Variants in PDPN observed in about 807,000 individuals in gnomAD.
PDPN encodes PA2.26 antigen.
Under a neutral mutation model 23.2 loss-of-function variants are expected in PDPN, and 12 were observed. That is an observed-to-expected ratio of 0.52 (90% CI 0.33 to 0.84). The LOEUF (loss-of-function observed/expected upper bound fraction) is 0.84. Among genes scored for constraint, PDPN ranks in the 40% least tolerant of loss-of-function variants. The pLI is 0.02. For synonymous variants in PDPN, 77 were observed against 76.7 expected, an observed-to-expected ratio of 1.00 and a Z score of -0.02; for missense variants, 199 against 212.2, an observed-to-expected ratio of 0.94 and a Z score of 0.39.
intron 2 of PDPN, among the ~76,000 whole-genome samples, chr1:13,607,822 C>T (rs1640830412): frequency 6.6e-6 from 1 of 152,114 alleles, no homozygotes; most frequent in South Asian, 2.1e-4. Context: ...TATATCTTCT[C>T]AGCCGGGCGT....
chr1:13,590,674 G>C (rs1038920819), intron 1 of PDPN, among the ~76,000 whole-genome samples: 2 of 152,142 alleles, frequency 1.3e-5, no homozygotes, highest in East Asian at 1.9e-4. Context: ...GGGTTAGAAG[G>C]GTTGAGTTGG....
At chr1:13,592,543 A>ATTT (rs34176163) in intron 1 of PDPN, among the ~76,000 whole-genome samples, 80 of 105,024 alleles carry the variant, frequency 7.6e-4, no homozygotes, top group African/African-American at 1.3e-3. Context: ...TGAAAAGATG[A>ATTT]TTTTTTTTTT....
At chr1:13,613,856 G>A in intron 4 of PDPN, 131 bp downstream of exon 4, 17 of 333,828 alleles carry the variant, frequency 5.1e-5, no homozygotes, top group Admixed American at 1.0e-4. Context: ...AACATTCCGA[G>A]AACAGATTTC....
At chr1:13,584,530 G>C (rs1317788524) in intron 1 of PDPN, among the ~76,000 whole-genome samples, 1 of 152,260 alleles carries the variant, frequency 6.6e-6, no homozygotes, top group African/African-American at 2.4e-5. Context: ...GTTCAGGAGG[G>C]CTTGGGCCAA....
rs760398679 is a variant in PDPN, at chr1:13,610,403, A to G, written c.218A>G (p.Asn73Ser). Residue 73 changes from asparagine to serine, a missense_variant, in exon 3 of 6, where the codon AAC becomes AGC. Asn to Ser is a conservative substitution (Grantham distance 46). Transcript: ENST00000621990. ...GLTTLVATSVNSVTGIRIEDL... is the reference protein window; with the variant it reads ...GLTTLVATSVSSVTGIRIEDL... Reference sequence around the variant, plus strand: ...CTACAATAGGTGGCAACAAGTGTCAACAGTGTAACAGGCATTCGCATCGAG... The same window carrying G: ...CTACAATAGGTGGCAACAAGTGTCAGCAGTGTAACAGGCATTCGCATCGAG... The G allele has an allele frequency of 9.9e-5, 160 of 1,613,646 alleles. 1 individual carries two copies. In the South Asian group the frequency reaches 1.5e-3, roughly 16 times the overall value.
chr1:13,605,213 GCTGT>G (rs1326894798), intron 1 of PDPN, among the ~76,000 whole-genome samples: 2 of 149,704 alleles, frequency 1.3e-5, no homozygotes, highest in Admixed American at 1.3e-4. Flanking sequence ...TGATATAAGT[GCTGT>G]CTAAGCAGTG....
At chr1:13,611,057 T>C (rs1640922125) in intron 3 of PDPN, among the ~76,000 whole-genome samples, 1 of 152,004 alleles carries the variant, frequency 6.6e-6, no homozygotes, top group African/African-American at 2.4e-5. Flanking sequence ...CCGTCTCTAC[T>C]GAAAATACTA....
chr1:13,604,783 T>C (rs1027928466), intron 1 of PDPN, among the ~76,000 whole-genome samples: 8 of 152,234 alleles, frequency 5.3e-5, no homozygotes, highest in Non-Finnish European at 1.0e-4. Flanking sequence ...ACTACTTGTC[T>C]GGCAAAGGGA....
chr1:13,595,806 A>C lies in PDPN; in HGVS notation c.68-11367A>C, dbSNP rs535105131. The C allele has an allele frequency of 9.2e-6, 11 of 1,189,394 alleles. No individual in the cohort carries two copies. In the South Asian group the frequency reaches 1.3e-4, roughly 14 times the overall value. 73.7% of individuals were successfully genotyped at this position (1,189,394 alleles called of 1,614,324 possible). A position where few individuals can be genotyped will look rare whatever the true frequency, so the allele number is the denominator to read the frequency against. Reference sequence around the variant, plus strand: ...TGCAGGTGCCGTGCTATCTTCAGCTATGCCGTCTCTTTCATTACAGGGGAA... The same window carrying C: ...TGCAGGTGCCGTGCTATCTTCAGCTCTGCCGTCTCTTTCATTACAGGGGAA... On this transcript the variant is annotated intron_variant, in intron 1 of 5. Coordinates refer to ENST00000621990, the MANE Select transcript of PDPN (RefSeq NM_006474.5).
chr1:13,603,843 T>G (rs984619723), intron 1 of PDPN, among the ~76,000 whole-genome samples: 8 of 152,106 alleles, frequency 5.3e-5, no homozygotes, highest in African/African-American at 1.9e-4. Flanking sequence ...CACCTCCACC[T>G]CCCAAAGTGC....
chr1:13,607,556 C>T (rs1330780827), intron 2 of PDPN, among the ~76,000 whole-genome samples: 1 of 152,118 alleles, frequency 6.6e-6, no homozygotes, highest in Non-Finnish European at 1.5e-5. Context: ...TGAGGACCTG[C>T]TGCATGTCAT....
chr1:13,586,763 T>TA (rs34131450), intron 1 of PDPN, among the ~76,000 whole-genome samples: 11,169 of 125,364 alleles, frequency 0.089, 563 homozygotes, highest in Middle Eastern at 0.12. Context: ...ACTCTGCCAT[T>TA]AAAAAAAAAA....
intron 2 of PDPN, 45 bp from the exon 3 acceptor site, chr1:13,610,342 C>G: frequency 6.4e-7 from 1 of 1,570,748 alleles, no homozygotes; most frequent in South Asian, 1.1e-5. Context: ...ATTTTAAAGA[C>G]AGTAGGCTTT....
chr1:13,586,409 G>A (rs770824855), intron 1 of PDPN, among the ~76,000 whole-genome samples: 2 of 152,114 alleles, frequency 1.3e-5, no homozygotes, highest in Non-Finnish European at 2.9e-5. Flanking sequence ...ATATAGAAAA[G>A]CACAATTTAA....
intron 5 of PDPN, chr1:13,614,762 G>T (rs1641024169): frequency 2.1e-6 from 1 of 485,438 alleles, no homozygotes; most frequent in East Asian, 5.8e-5. Flanking sequence ...ACTCCAGCCT[G>T]GGTGACAGAG....
In PDPN at chr1:13,617,402, T is replaced by G. The variant is rs12408407; in HGVS notation, c.*1491T>G. 55,722 of 152,006 alleles carry G rather than the reference T, an allele frequency of 0.37. 10,405 individuals are homozygous for G. Among genetic ancestry groups the G allele is most frequent in the South Asian group, 0.5 (2,386 of 4,816 alleles). 9.4% of individuals were successfully genotyped at this position (152,006 alleles called of 1,614,324 possible). Reference sequence around the variant, plus strand: ...CCCACCAGCTCAGATTCCATTTTTTTTGTGTGTGTGTGTGAAACGTAGTCT... The same window carrying G: ...CCCACCAGCTCAGATTCCATTTTTTGTGTGTGTGTGTGTGAAACGTAGTCT... On this transcript the variant is annotated 3_prime_UTR_variant, in exon 6 of 6. Coordinates refer to ENST00000621990, the MANE Select transcript of PDPN (RefSeq NM_006474.5).
chr1:13,585,093 A>G (rs1640141636), intron 1 of PDPN, among the ~76,000 whole-genome samples: 1 of 152,198 alleles, frequency 6.6e-6, no homozygotes, highest in Non-Finnish European at 1.5e-5. Flanking sequence ...TGCTCACTAA[A>G]TGTTGGTTGA....
At position 13,617,330 on chromosome 1, in the gene PDPN, G is replaced by A. The variant is rs1050566693; in HGVS notation, c.*1419G>A. The A allele has an allele frequency of 1.3e-5, 2 of 152,122 alleles. No homozygotes were observed. Among genetic ancestry groups the A allele is most frequent in the Non-Finnish European group, 2.9e-5 (2 of 68,014 alleles). 9.4% of individuals were successfully genotyped at this position (152,122 alleles called of 1,614,324 possible). On this transcript the variant is annotated 3_prime_UTR_variant, in exon 6 of 6. Coordinates refer to ENST00000621990, the MANE Select transcript of PDPN (RefSeq NM_006474.5). ...CTCCCATTTTTTGCAATGATGTCTG[G>A]ATGTTATTTTAAACAGTGTGTCTGT...
At chr1:13,603,545 G>A (rs1359430511) in intron 1 of PDPN, among the ~76,000 whole-genome samples, 1 of 150,548 alleles carries the variant, frequency 6.6e-6, no homozygotes, top group African/African-American at 2.4e-5. Context: ...AGTGACAGTT[G>A]ATTTATCAAA....
Sources: gnomAD v4.1 joint callset for allele counts (sites outside exome capture counted in the v4.1 genomes callset) on GRCh38, gnomAD v4.1.1 for gene constraint, MANE v1.5 for transcripts, NCBI Gene and HGNC (gene_info 2026-07-23, HGNC 2026-07-21) for gene names.